The following ARB2A variants were observed in gnomAD, a reference collection of about 807,000 sequenced individuals.
ARB2A encodes the protein ARB2 cotranscriptional regulator A.
the ARB2A span, among the ~76,000 whole-genome samples, chr5:94,066,300 C>A: frequency 1.3e-5 from 2 of 151,292 alleles, no homozygotes; most frequent in African/African-American, 4.9e-5. Context: ...AAAACCAAAC[C>A]CAAAATTAGA....
chr5:93,871,036 T>C, the ARB2A span, among the ~76,000 whole-genome samples: 1 of 152,224 alleles, frequency 6.6e-6, no homozygotes, highest in East Asian at 1.9e-4. Flanking sequence ...TGGAAGGTAT[T>C]TTCTTGTAAA....
chr5:93,845,612 A>T, the ARB2A span, among the ~76,000 whole-genome samples: 1,456 of 152,324 alleles, frequency 9.6e-3, 59 homozygotes, highest in East Asian at 0.12. Context: ...AAAAAGCCAT[A>T]ATGGCAAGGA....
At chr5:93,675,744 T>A in the ARB2A span, among the ~76,000 whole-genome samples, 3 of 152,246 alleles carry the variant, frequency 2.0e-5, no homozygotes, top group Admixed American at 6.5e-5. Context: ...CTAGTGCTAA[T>A]GTGCCTTAAA....
chr5:93,872,886 C>T, the ARB2A span, among the ~76,000 whole-genome samples: 1 of 151,458 alleles, frequency 6.6e-6, no homozygotes, highest in Admixed American at 6.6e-5. Flanking sequence ...CACTGCACTC[C>T]AGCCTGGGCA....
the ARB2A span, among the ~76,000 whole-genome samples, chr5:93,926,924 G>A: frequency 6.6e-6 from 1 of 151,612 alleles, no homozygotes; most frequent in Non-Finnish European, 1.5e-5. Flanking sequence ...AACTGAATAG[G>A]ATGTAAGCAA....
chr5:94,049,424 G>A, the ARB2A span, among the ~76,000 whole-genome samples: 6 of 152,118 alleles, frequency 3.9e-5, no homozygotes, highest in East Asian at 7.7e-4. Context: ...TAGGCTCGGC[G>A]CAGTGGCTCA....
the ARB2A span, among the ~76,000 whole-genome samples, chr5:93,792,883 A>C: frequency 2.0e-5 from 3 of 152,198 alleles, no homozygotes; most frequent in East Asian, 5.8e-4. Flanking sequence ...GATACATTCC[A>C]CAGAGACCCT....
chr5:94,091,103 G>A, the ARB2A span, among the ~76,000 whole-genome samples: 3 of 152,068 alleles, frequency 2.0e-5, no homozygotes, highest in East Asian at 3.9e-4. Context: ...AAGTGGACGC[G>A]CAAGACAGAA....
At chr5:93,872,287 T>C in the ARB2A span, among the ~76,000 whole-genome samples, 1 of 152,178 alleles carries the variant, frequency 6.6e-6, no homozygotes, top group African/African-American at 2.4e-5. Flanking sequence ...ACATCATTTA[T>C]TCCTTATAAA....
the ARB2A span, among the ~76,000 whole-genome samples, chr5:93,754,374 C>A: frequency 6.6e-6 from 1 of 152,182 alleles, no homozygotes; most frequent in Admixed American, 6.5e-5. Flanking sequence ...CTGCTGTGTC[C>A]CTGGTACCCA....
At chr5:93,994,708 C>T in the ARB2A span, among the ~76,000 whole-genome samples, 1 of 151,588 alleles carries the variant, frequency 6.6e-6, no homozygotes, top group Non-Finnish European at 1.5e-5. Context: ...AATTAAGAAG[C>T]CTGGGCAACA....
chr5:94,018,669 T>C, the ARB2A span, among the ~76,000 whole-genome samples: 1 of 152,170 alleles, frequency 6.6e-6, no homozygotes, highest in Non-Finnish European at 1.5e-5. Context: ...AAGAGGTCCT[T>C]CACATCCCTT....
the ARB2A span, among the ~76,000 whole-genome samples, chr5:93,690,812 G>C: frequency 6.6e-6 from 1 of 152,052 alleles, no homozygotes; most frequent in East Asian, 1.9e-4. Context: ...GCTCCGGCTG[G>C]CATATGGTGG....
the ARB2A span, chr5:94,050,715 A>G: frequency 6.4e-7 from 1 of 1,550,574 alleles, no homozygotes; most frequent in Non-Finnish European, 8.7e-7. Flanking sequence ...AAGTTAAAGT[A>G]GTATATGTGA....
At chr5:94,066,120 G>GA in the ARB2A span, among the ~76,000 whole-genome samples, 1 of 152,046 alleles carries the variant, frequency 6.6e-6, no homozygotes, top group Non-Finnish European at 1.5e-5. Flanking sequence ...AAGAAATTAT[G>GA]AAAAAATAAA....
chr5:94,090,824 A>G, the ARB2A span, among the ~76,000 whole-genome samples: 3 of 152,190 alleles, frequency 2.0e-5, no homozygotes, highest in Non-Finnish European at 4.4e-5. Flanking sequence ...GATGGATTAC[A>G]TTTATTGATT....
At chr5:93,813,047 G>A in the ARB2A span, among the ~76,000 whole-genome samples, 2 of 152,104 alleles carry the variant, frequency 1.3e-5, no homozygotes, top group Admixed American at 1.3e-4. Context: ...AACCAAGAAG[G>A]CCCTCAATGA....
the ARB2A span, among the ~76,000 whole-genome samples, chr5:93,675,041 A>T: frequency 6.6e-6 from 1 of 152,208 alleles, no homozygotes; most frequent in South Asian, 2.1e-4. Context: ...CTCAACCAGT[A>T]CAGTTTAGTA....
chr5:93,829,777 C>T, the ARB2A span, among the ~76,000 whole-genome samples: 5 of 152,000 alleles, frequency 3.3e-5, no homozygotes, highest in African/African-American at 9.7e-5. Context: ...GGATTTTAGG[C>T]TTTGATAATT....
Sources: allele counts gnomAD v4.1 joint callset (sites outside exome capture counted in the v4.1 genomes callset), GRCh38; gene constraint gnomAD v4.1.1; transcripts MANE v1.5; gene names NCBI Gene and HGNC (gene_info 2026-07-23, HGNC 2026-07-21).